DGKG: variants seen among roughly 807,000 people sequenced by gnomAD.
The protein encoded by DGKG is diacylglycerol kinase gamma, also known as DAG kinase gamma.
In DGKG, 78 loss-of-function variants were observed where a neutral mutation model predicts 105.3. That is an observed-to-expected ratio of 0.74 (90% CI 0.62 to 0.89). The LOEUF is 0.89. DGKG is among the 40% of genes least tolerant of loss of function. The pLI, the probability that DGKG is intolerant of heterozygous loss-of-function variation, is 0.00. For missense variants in DGKG, 958 were observed against 1,020.1 expected (o/e 0.94, Z 0.83); for synonymous variants, 346 against 367.1 (o/e 0.94, Z 0.66).
intron 19 of DGKG, among the ~76,000 whole-genome samples, chr3:186,249,934 A>C (rs977714583): frequency 4.6e-5 from 7 of 152,172 alleles, no homozygotes; most frequent in Non-Finnish European, 8.8e-5. Flanking sequence ...AAAAAATTAA[A>C]ATACCAAAAT....
intron 21 of DGKG, among the ~76,000 whole-genome samples, chr3:186,199,599 G>A (rs762562867): frequency 8.6e-5 from 13 of 152,028 alleles, no homozygotes; most frequent in Middle Eastern, 3.4e-3. Flanking sequence ...TGCAACCTCC[G>A]CCTCCTGGGT....
intron 17 of DGKG, 97 bp from the exon 18 acceptor site, chr3:186,253,279 A>G: frequency 1.1e-6 from 1 of 943,818 alleles, no homozygotes; most frequent in Middle Eastern, 2.1e-4. Context: ...GAACCCCTCC[A>G]TAGCATTCTT....
intron 9 of DGKG, chr3:186,279,470 C>T (rs1428565588): frequency 6.3e-6 from 1 of 158,162 alleles, no homozygotes; most frequent in Non-Finnish European, 1.4e-5. Context: ...TCCCTTCGTT[C>T]TTTCCTCTCA....
In DGKG at chr3:186,268,824, G is replaced by T; in HGVS notation, c.1093C>A (p.His365Asn). The T allele has an allele frequency of 6.2e-7, 1 of 1,613,494 alleles. No homozygotes were observed. Among genetic ancestry groups the T allele is most frequent in the Non-Finnish European group, 8.5e-7 (1 of 1,179,634 alleles). Residue 365 changes from histidine (H) to asparagine (N), a missense_variant, in exon 12 of 25, where the codon CAC becomes AAC. His to Asn is a moderately conservative substitution (Grantham distance 68). This residue lies in a region of DGKG where 643 missense variants were observed against 619.5 expected (regional missense o/e 1.04). Coordinates refer to ENST00000265022, the MANE Select transcript of DGKG (RefSeq NM_001346.3). ...IKCYQSVTAR[H>N]CVWCRMTFHR... ...ACCGTCATCCGGCACCACACGCAGT[G>T]CCGCGCGGTGACACTCTGGTAGCAC... is the stretch of plus-strand genomic sequence containing the variant.
At chr3:186,193,505 G>T (rs1461105138) in intron 21 of DGKG, among the ~76,000 whole-genome samples, 8 of 152,254 alleles carry the variant, frequency 5.3e-5, no homozygotes, top group Non-Finnish European at 7.3e-5. Flanking sequence ...TTTGCTGGAG[G>T]CATCTTAACG....
At position 186,148,465 on chromosome 3, in the gene DGKG, C is replaced by G. The variant is rs762954789; in HGVS notation, c.*1625G>C. 1.0e-6 allele frequency: 1 copy of G among 985,276 alleles called. No homozygotes were observed. The highest frequency in any genetic ancestry group is 6.2e-5 in the Admixed American group (1 of 16,256). 61.0% of individuals were successfully genotyped at this position (985,276 alleles called of 1,614,324 possible). On this transcript the variant is annotated 3_prime_UTR_variant, in exon 25 of 25. Coordinates refer to ENST00000265022, the MANE Select transcript of DGKG (RefSeq NM_001346.3). Reference sequence around the variant, plus strand: ...CCTCTGGGAAGCAGCATGAGGCGCTCGTTTTCTTGTGTGGGGATATCCCAT... The same window carrying G: ...CCTCTGGGAAGCAGCATGAGGCGCTGGTTTTCTTGTGTGGGGATATCCCAT...
chr3:186,167,180 G>A (rs2108482563), intron 22 of DGKG, among the ~76,000 whole-genome samples: 1 of 152,250 alleles, frequency 6.6e-6, no homozygotes, highest in Admixed American at 6.5e-5. Flanking sequence ...GAGATTTGTA[G>A]GGAAAGGGGC....
chr3:186,312,398 A>G (rs916638388), intron 2 of DGKG, among the ~76,000 whole-genome samples: 23 of 152,116 alleles, frequency 1.5e-4, no homozygotes, highest in African/African-American at 5.3e-4. Context: ...CTGAGATTCT[A>G]CATTCTGAAT....
chr3:186,164,731 A>G (rs1716453192), intron 23 of DGKG, among the ~76,000 whole-genome samples, 167 bp downstream of exon 23: 1 of 152,220 alleles, frequency 6.6e-6, no homozygotes, highest in Non-Finnish European at 1.5e-5. Context: ...TGGGCGCATT[A>G]TATCCTGTTT....
At chr3:186,188,661 G>T (rs1717759417) in intron 21 of DGKG, among the ~76,000 whole-genome samples, 1 of 152,066 alleles carries the variant, frequency 6.6e-6, no homozygotes, top group Non-Finnish European at 1.5e-5. Flanking sequence ...CTTTAGGGCT[G>T]GTTCTTAAGT....
intron 20 of DGKG, among the ~76,000 whole-genome samples, chr3:186,230,285 A>AAAC (rs527718965): frequency 1.3e-5 from 2 of 152,122 alleles, no homozygotes; most frequent in South Asian, 4.1e-4. Context: ...CAAACAAACA[A>AAAC]AACAACAACA....
chr3:186,191,920 A>C (rs553098846), intron 21 of DGKG, among the ~76,000 whole-genome samples: 1 of 152,300 alleles, frequency 6.6e-6, no homozygotes, highest in Non-Finnish European at 1.5e-5. Context: ...CTTATTTTGG[A>C]ATGTCTTCTA....
chr3:186,323,536 G>A (rs1725180114), intron 1 of DGKG, among the ~76,000 whole-genome samples: 1 of 152,214 alleles, frequency 6.6e-6, no homozygotes, highest in Non-Finnish European at 1.5e-5. Flanking sequence ...GCTTATGCCT[G>A]TAATCCCATC....
At chr3:186,301,552 G>A (rs953551920) in intron 3 of DGKG, among the ~76,000 whole-genome samples, 4 of 152,130 alleles carry the variant, frequency 2.6e-5, no homozygotes, top group Non-Finnish European at 4.4e-5. Flanking sequence ...GCATGAACCC[G>A]GGAGGCGGAG....
chr3:186,190,078 C>T (rs1717832162), intron 21 of DGKG, among the ~76,000 whole-genome samples: 1 of 152,164 alleles, frequency 6.6e-6, no homozygotes, highest in African/African-American at 2.4e-5. Context: ...CCTCTTTTTA[C>T]ACTGGGGAAA....
intron 22 of DGKG, among the ~76,000 whole-genome samples, chr3:186,176,732 C>T (rs1018843695): frequency 1.1e-4 from 17 of 152,158 alleles, no homozygotes; most frequent in Admixed American, 5.2e-4. Context: ...TAAAATGAGA[C>T]GATGAATGTA....
chr3:186,151,360 C>G (rs1449033212), intron 24 of DGKG, among the ~76,000 whole-genome samples: 1 of 152,230 alleles, frequency 6.6e-6, no homozygotes, highest in Non-Finnish European at 1.5e-5. Context: ...AACAACAGAA[C>G]TCTTGAACAC....
intron 20 of DGKG, among the ~76,000 whole-genome samples, chr3:186,223,493 T>C (rs1280673451): frequency 6.6e-6 from 1 of 152,100 alleles, no homozygotes; most frequent in African/African-American, 2.4e-5. Context: ...CCTCCTTGTT[T>C]CCCTTACCTT....
intron 11 of DGKG, among the ~76,000 whole-genome samples, chr3:186,270,658 A>C (rs186903338): frequency 2.0e-5 from 3 of 152,218 alleles, no homozygotes. Context: ...TTTGCAGAGG[A>C]AAAAATGAAA....
Sources: gnomAD v4.1 joint callset for allele counts (sites outside exome capture counted in the v4.1 genomes callset) on GRCh38, gnomAD v4.1.1 for gene constraint, gnomAD v4.1.1 regional missense constraint, MANE v1.5 for transcripts, NCBI Gene and HGNC (gene_info 2026-07-23, HGNC 2026-07-21) for gene names.